Variants in TIAM1 observed in about 807,000 individuals in gnomAD.
TIAM1 encodes the protein TIAM Rac1 associated GEF 1, also known as rho guanine nucleotide exchange factor TIAM1.
A neutral mutation model predicts 163.5 loss-of-function variants in TIAM1; 65 were observed. The ratio of observed to expected loss-of-function variants is 0.40; its 90% confidence interval spans 0.33 to 0.49. The LOEUF is 0.49. Among genes scored for constraint, TIAM1 ranks in the 20% least tolerant of loss-of-function variants. The pLI is 0.77. For synonymous variants in TIAM1, 833 were observed against 810.1 expected (o/e 1.03, Z -0.48); for missense variants, 1,789 against 2,044.7 (o/e 0.87, Z 2.41).
chr21:31,421,053 T>C (rs192421785), intron 2 of TIAM1, among the ~76,000 whole-genome samples: 27 of 148,626 alleles, frequency 1.8e-4, no homozygotes, highest in Middle Eastern at 3.4e-3. Context: ...ACCTGGGAGG[T>C]AGAGGTTGCA....
At chr21:31,191,233 C>G (rs2085548136) in intron 13 of TIAM1, among the ~76,000 whole-genome samples, 1 of 152,132 alleles carries the variant, frequency 6.6e-6, no homozygotes, top group South Asian at 2.1e-4. Context: ...ACAATCTCAG[C>G]TCACTGCAAC....
chr21:31,155,764 G>A (rs1169475797), intron 16 of TIAM1, among the ~76,000 whole-genome samples: 3 of 152,076 alleles, frequency 2.0e-5, no homozygotes, highest in Non-Finnish European at 2.9e-5. Context: ...GCCTCCCAAA[G>A]TGCTGGGATT....
intron 10 of TIAM1, among the ~76,000 whole-genome samples, chr21:31,212,242 T>A (rs949545278): frequency 6.6e-6 from 1 of 151,974 alleles, no homozygotes; most frequent in Non-Finnish European, 1.5e-5. Context: ...ATAGCAGAAC[T>A]CCCCATGGCA....
chr21:31,299,328 C>T (rs995613418), intron 2 of TIAM1, among the ~76,000 whole-genome samples: 38 of 152,198 alleles, frequency 2.5e-4, no homozygotes, highest in Admixed American at 2.0e-4. Flanking sequence ...ACCACGTCAC[C>T]ACCTTCTCCC....
At chr21:31,553,291 C>G (rs2048756494) in intron 1 of TIAM1, among the ~76,000 whole-genome samples, 1 of 152,110 alleles carries the variant, frequency 6.6e-6, no homozygotes, top group South Asian at 2.1e-4. Flanking sequence ...CCCAGGTAGC[C>G]CATATTATGC....
intron 2 of TIAM1, among the ~76,000 whole-genome samples, chr21:31,394,406 T>C (rs1033371953): frequency 2.0e-5 from 3 of 152,206 alleles, no homozygotes; most frequent in African/African-American, 7.2e-5. Flanking sequence ...AAACTAATTC[T>C]GTGGGATACT....
At chr21:31,366,265 A>C (rs1569269386) in intron 2 of TIAM1, among the ~76,000 whole-genome samples, 1 of 152,102 alleles carries the variant, frequency 6.6e-6, no homozygotes. Context: ...CCTTTGCCAA[A>C]AGCAACTCTT....
At chr21:31,128,715 T>C (rs1036727984) in intron 25 of TIAM1, among the ~76,000 whole-genome samples, 1 of 152,372 alleles carries the variant, frequency 6.6e-6, no homozygotes, top group South Asian at 2.1e-4. Flanking sequence ...GGCAAATCTC[T>C]ACTGGAAGCT....
At chr21:31,291,066 A>T (rs1287777518) in intron 2 of TIAM1, among the ~76,000 whole-genome samples, 1 of 152,188 alleles carries the variant, frequency 6.6e-6, no homozygotes, top group Non-Finnish European at 1.5e-5. Context: ...AAATTATAAG[A>T]CAGAAGGGCT....
intron 6 of TIAM1, among the ~76,000 whole-genome samples, chr21:31,229,716 A>G (rs1204072608): frequency 1.3e-5 from 2 of 151,630 alleles, no homozygotes; most frequent in East Asian, 3.9e-4. Flanking sequence ...GTAGCAGTGC[A>G]ATCTCGGCTC....
intron 2 of TIAM1, among the ~76,000 whole-genome samples, chr21:31,429,698 C>T (rs1569323583): frequency 6.6e-6 from 1 of 152,086 alleles, no homozygotes; most frequent in Admixed American, 6.6e-5. Flanking sequence ...TCCCACAGTC[C>T]CTTGGGCTCC....
chr21:31,521,911 G>A (rs1208572303), intron 1 of TIAM1, among the ~76,000 whole-genome samples: 4 of 151,808 alleles, frequency 2.6e-5, no homozygotes, highest in East Asian at 1.9e-4. Flanking sequence ...TCTCTCTGTC[G>A]CCCAGGCTGG....
intron 1 of TIAM1, among the ~76,000 whole-genome samples, chr21:31,522,216 A>G (rs1163133928): frequency 6.6e-6 from 1 of 151,712 alleles, no homozygotes; most frequent in Admixed American, 6.6e-5. Flanking sequence ...TTAATTATTA[A>G]GAAATTATTG....
At chr21:31,339,182 T>C (rs1006554074) in intron 2 of TIAM1, 61 bp downstream of exon 2, 3 of 396,116 alleles carry the variant, frequency 7.6e-6, no homozygotes, top group Admixed American at 4.4e-5. Flanking sequence ...AGGATCAAGA[T>C]AATAAAGACT....
chr21:31,551,912 T>C (rs2048701168), intron 1 of TIAM1, among the ~76,000 whole-genome samples: 1 of 152,014 alleles, frequency 6.6e-6, no homozygotes, highest in Admixed American at 6.6e-5. Context: ...AATGAACAAA[T>C]GTAATTGTTT....
intron 3 of TIAM1, among the ~76,000 whole-genome samples, chr21:31,269,793 T>C (rs957619728): frequency 6.7e-6 from 1 of 150,252 alleles, no homozygotes; most frequent in Non-Finnish European, 1.5e-5. Context: ...TGCCTCAGCC[T>C]CCCGAGTAGC....
At chr21:31,394,712 T>TCG (rs1341674916) in intron 2 of TIAM1, among the ~76,000 whole-genome samples, 47 of 102,836 alleles carry the variant, frequency 4.6e-4, no homozygotes, top group African/African-American at 1.8e-3. Flanking sequence ...TCTCTCGCTC[T>TCG]CTCTCTCTCT....
intron 2 of TIAM1, among the ~76,000 whole-genome samples, chr21:31,426,060 G>C (rs996449733): frequency 6.6e-6 from 1 of 151,922 alleles, no homozygotes; most frequent in East Asian, 1.9e-4. Flanking sequence ...GGGATCAGGC[G>C]GTTTTTGGTT....
At chr21:31,352,155 C>A (rs2147118509) in intron 2 of TIAM1, among the ~76,000 whole-genome samples, 1 of 152,026 alleles carries the variant, frequency 6.6e-6, no homozygotes. Context: ...GCATTACTCA[C>A]AATAGCCAAG....
Sources: gnomAD v4.1 joint callset for allele counts (sites outside exome capture counted in the v4.1 genomes callset) on GRCh38, gnomAD v4.1.1 for gene constraint, MANE v1.5 for transcripts, NCBI Gene and HGNC (gene_info 2026-07-23, HGNC 2026-07-21) for gene names.